Variants in PPFIA4 observed in about 807,000 individuals in gnomAD.
The protein encoded by PPFIA4 is PPFI scaffold protein A4.
PPFIA4 carries 98 observed loss-of-function variants against 145.7 expected under a neutral mutation model. The ratio of observed to expected loss-of-function variants is 0.67; its 90% CI spans 0.57 to 0.80. The LOEUF (loss-of-function observed/expected upper bound fraction) is 0.80, where lower values mean the gene tolerates loss of function less well. PPFIA4 is among the 30% of genes least tolerant of loss of function. The pLI is 0.00. For missense variants in PPFIA4, 1,457 were observed against 1,632.7 expected, an observed-to-expected ratio of 0.89 and a Z score of 1.85; for synonymous variants, 628 against 649.6, an observed-to-expected ratio of 0.97 and a Z score of 0.51.
chr1:203,075,654 C>A lies in PPFIA4; in HGVS notation c.3471C>A (p.Gly1157=), dbSNP rs371933531. The change falls in exon 29 of 30, where the codon GGC becomes GGA. Residue 1157 remains glycine, a synonymous_variant. Transcript: ENST00000295706. This position sits in a 1 kb window ranked among gnomAD's most constrained non-coding sequence, Gnocchi z 4.1. The part of the protein sequence containing the change: ...FRPREHHGRG[G]MLSASAETLP... ...CGCGGGAGCACCACGGTCGCGGCGG[C>A]ATGCTCAGCGCTTCCGCGGAGACCC... The A allele has an allele frequency of 1.4e-4, 216 of 1,508,520 alleles. No homozygotes were observed. The African/African-American group carries it at 2.8e-3, about 19-fold the overall frequency. 93.4% of individuals were successfully genotyped at this position (1,508,520 alleles called of 1,614,324 possible).
rs1662424014 is a variant in PPFIA4, at chr1:203,075,085, GAGCCAGGATTAGA to G, written c.3394-484_3394-472del. ...GGGTCACATAGCCAGTAAAATGGCAGAGCCAGGATTAGAAGCCAGGTGTCTGACTCCCGCCCGA... is the reference window on the plus strand; with the variant it reads ...GGGTCACATAGCCAGTAAAATGGCAGAGCCAGGTGTCTGACTCCCGCCCGA... On this transcript the variant is annotated intron_variant, in intron 28 of 29. Coordinates refer to ENST00000295706, the MANE Select transcript of PPFIA4 (RefSeq NM_001304331.2). This position sits in a 1 kb window ranked among gnomAD's most constrained non-coding sequence, Gnocchi z 4.1. Among the ~76,000 whole-genome samples, 1 of 152,160 alleles carries G rather than the reference GAGCCAGGATTAGA, an allele frequency of 6.6e-6. No homozygotes were observed. The highest frequency in any genetic ancestry group is 1.5e-5 in the Non-Finnish European group (1 of 68,012).
rs753572419 is a variant in PPFIA4, at chr1:203,039,165, G to A, written c.157G>A (p.Ala53Thr). Residue 53 changes from alanine (A) to threonine (T), a missense_variant, in exon 2 of 30, where the codon GCC becomes ACC. Physicochemically the swap from Ala to Thr is moderately conservative, Grantham distance 58. Around this residue, in one of 3 missense-constraint regions of PPFIA4, gnomAD observed 463 missense variants for 459.8 expected, o/e 1.01. Coordinates refer to ENST00000295706, the MANE Select transcript of PPFIA4 (RefSeq NM_001304331.2). Reference protein sequence around the residue: ...SLRESQETLAATQSRLQDAIH... With the variant: ...SLRESQETLATTQSRLQDAIH... ...TCGGGAGAGTCAGGAGACCTTGGCG[G>A]CCACACAGAGCCGGCTCCAGGATGC... The A allele has an allele frequency of 1.2e-5, 19 of 1,606,726 alleles. No individual in the cohort carries two copies. Among genetic ancestry groups the A allele is most frequent in the Middle Eastern group, 1.6e-4 (1 of 6,064 alleles).
In PPFIA4 at chr1:203,043,526, G is replaced by A. The variant is rs567674111; in HGVS notation, c.336+28G>A. On this transcript the variant is annotated intron_variant, in intron 3 of 29. Transcript: ENST00000295706. This position sits in a 1 kb window ranked among gnomAD's most constrained non-coding sequence, Gnocchi z 4.4. ...AAGTGGGGATGACCTTGTGTCGCGCGCGCGCACGTGTGTGTGTGTGTGTAT... is the reference window on the plus strand; with the variant it reads ...AAGTGGGGATGACCTTGTGTCGCGCACGCGCACGTGTGTGTGTGTGTGTAT... The A allele has an allele frequency of 3.4e-5, 54 of 1,569,556 alleles. No individual in the cohort carries two copies. In the Middle Eastern group the frequency reaches 5.0e-4, roughly 15 times the overall value.
rs1486720290 is a variant in PPFIA4 at position 203,078,386 on chromosome 1, C to G, written c.*1996C>G. On this transcript the variant is annotated 3_prime_UTR_variant, in exon 30 of 30. Coordinates refer to ENST00000295706, the MANE Select transcript of PPFIA4 (RefSeq NM_001304331.2). Reference sequence around the variant, plus strand: ...ACTCAGTCCCAGCCTCTCCCCTCTACAACTCCTGCCACTGTTGGCCATGTC... The same window carrying G: ...ACTCAGTCCCAGCCTCTCCCCTCTAGAACTCCTGCCACTGTTGGCCATGTC... 1 of 152,258 alleles carries G rather than the reference C, an allele frequency of 6.6e-6. No homozygotes were observed. Among genetic ancestry groups the G allele is most frequent in the Non-Finnish European group, 1.5e-5 (1 of 68,056 alleles). The allele number at this position is 152,258 out of a possible 1,614,324, so 9.4% of individuals were successfully genotyped here. A position where few individuals can be genotyped will look rare whatever the true frequency, so the allele number is the denominator to read the frequency against.
In PPFIA4 at chr1:203,048,468, T is replaced by C; in HGVS notation, c.1225-115T>C. 1 of 1,493,686 alleles carries C rather than the reference T, an allele frequency of 6.7e-7. No individual in the cohort carries two copies. The highest frequency in any genetic ancestry group is 9.1e-7 in the Non-Finnish European group (1 of 1,100,734). The allele number at this position is 1,493,686 out of a possible 1,614,324, so 92.5% of individuals were successfully genotyped here. A position where few individuals can be genotyped will look rare whatever the true frequency, so the allele number is the denominator to read the frequency against. On this transcript the variant is annotated intron_variant, in intron 10 of 29. Transcript: ENST00000295706. This position sits in a 1 kb window ranked among gnomAD's most constrained non-coding sequence, Gnocchi z 5.8. ...GTGAAGGGGGAGGTGGTCAGGAGAC[T>C]GGAGAGAGTGGCTCCCAGAGGATGA...
At chr1:203,041,936 C>T (rs1002069738) in intron 2 of PPFIA4, among the ~76,000 whole-genome samples, 1 of 152,162 alleles carries the variant, frequency 6.6e-6, no homozygotes, top group Non-Finnish European at 1.5e-5. Flanking sequence ...TGGCCATGGC[C>T]CTGACAGAAA....
chr1:203,072,921 T>G (rs1662272605), intron 28 of PPFIA4, among the ~76,000 whole-genome samples: 1 of 124,198 alleles, frequency 8.1e-6, no homozygotes, highest in African/African-American at 3.1e-5. Flanking sequence ...GTCCCAACTC[T>G]GATAGATCTG....
At chr1:203,049,964 A>C (rs961985663) in intron 13 of PPFIA4, among the ~76,000 whole-genome samples, 197 bp downstream of exon 13, 1 of 152,210 alleles carries the variant, frequency 6.6e-6, no homozygotes, top group Non-Finnish European at 1.5e-5. Flanking sequence ...CTGTCCTCCG[A>C]GGGCTGCTGA....
chr1:203,048,388 C>A lies in PPFIA4; in HGVS notation c.1224+78C>A. Reference sequence around the variant, plus strand: ...CCCAGGGCGGTCTGTGGAAGGGGCACGGAGGAAGGGCCTGGCCAGGGACAC... The same window carrying A: ...CCCAGGGCGGTCTGTGGAAGGGGCAAGGAGGAAGGGCCTGGCCAGGGACAC... On this transcript the variant is annotated intron_variant, in intron 10 of 29. Coordinates refer to ENST00000295706, the MANE Select transcript of PPFIA4 (RefSeq NM_001304331.2). This position sits in a 1 kb window ranked among gnomAD's most constrained non-coding sequence, Gnocchi z 5.8. 3.3e-6 allele frequency: 5 copies of A among 1,532,340 alleles called. No individual in the cohort carries two copies. The highest frequency in any genetic ancestry group is 4.4e-6 in the Non-Finnish European group (5 of 1,124,054). 94.9% of individuals were successfully genotyped at this position (1,532,340 alleles called of 1,614,324 possible). A position where few individuals can be genotyped will look rare whatever the true frequency, so the allele number is the denominator to read the frequency against.
chr1:203,059,089 C>A, intron 19 of PPFIA4, 89 bp from the exon 20 acceptor site: 1 of 1,041,580 alleles, frequency 9.6e-7, no homozygotes, highest in Non-Finnish European at 1.5e-6. Context: ...TGCCAAGGAG[C>A]CTCCTGCTGC....
chr1:203,028,731 G>C (rs746473791), intron 1 of PPFIA4, among the ~76,000 whole-genome samples: 4 of 151,960 alleles, frequency 2.6e-5, no homozygotes, highest in Non-Finnish European at 5.9e-5. Context: ...AGGACTGAGG[G>C]AGTGAAAGCT....
chr1:203,049,825 A>G, intron 13 of PPFIA4, 58 bp downstream of exon 13: 1 of 1,378,918 alleles, frequency 7.3e-7, no homozygotes, highest in South Asian at 1.6e-5. Context: ...ACCGTGAGGA[A>G]GGAGACTTCC....
intron 20 of PPFIA4, 144 bp from the exon 21 acceptor site, chr1:203,059,626 G>A (rs1661221171): frequency 2.9e-6 from 2 of 699,262 alleles, no homozygotes; most frequent in Non-Finnish European, 5.2e-6. Context: ...TTCAGAGGAA[G>A]AAGGAAGAGC....
Position 203,055,971 on chromosome 1 carries a change from T to A in PPFIA4, c.2071-149T>A. On this transcript the variant is annotated intron_variant, in intron 16 of 29. Transcript: ENST00000295706. The surrounding 1 kb of genome is among the most constrained non-coding windows in gnomAD (Gnocchi z 4.8). ...CTGGCTTGTTTTTCTAGGCCAGCTTTTTTTTTTTTTTCTGGCGTGATATTC... is the reference window on the plus strand; with the variant it reads ...CTGGCTTGTTTTTCTAGGCCAGCTTATTTTTTTTTTTCTGGCGTGATATTC... 3.3e-6 allele frequency: 2 copies of A among 608,052 alleles called. No individual in the cohort carries two copies. The highest frequency in any genetic ancestry group is 5.1e-6 in the Non-Finnish European group (2 of 391,542). The allele number at this position is 608,052 out of a possible 1,614,324, so 37.7% of individuals were successfully genotyped here. A position where few individuals can be genotyped will look rare whatever the true frequency, so the allele number is the denominator to read the frequency against.
In PPFIA4 at chr1:203,038,961, A is replaced by C; in HGVS notation, c.-48A>C. On this transcript the variant is annotated 5_prime_UTR_variant, in exon 2 of 30. The change abolishes the stop of an existing upstream ORF in the 5' untranslated region. Transcript: ENST00000295706. The stretch of plus-strand genomic sequence containing the variant: ...TTCCCCTGGAGGTGCCAACCCTGTG[A>C]GTCCCTCCCTGTCCCCTGACGCTGA... The C allele has an allele frequency of 9.4e-7, 1 of 1,064,434 alleles. No homozygotes were observed. The highest frequency in any genetic ancestry group is 1.4e-6 in the Non-Finnish European group (1 of 730,834). The allele number at this position is 1,064,434 out of a possible 1,614,324, so 65.9% of individuals were successfully genotyped here. A position where few individuals can be genotyped will look rare whatever the true frequency, so the allele number is the denominator to read the frequency against.
chr1:203,063,391 C>T (rs758723072), intron 24 of PPFIA4: 13 of 165,994 alleles, frequency 7.8e-5, no homozygotes, highest in Non-Finnish European at 1.5e-4. Context: ...CAGCCTTGTC[C>T]CGGAGTGAGA....
At position 203,045,495 on chromosome 1, in the gene PPFIA4, C is replaced by T. The variant is rs777964119; in HGVS notation, c.794C>T (p.Thr265Met). ...TVTELEEDLG[T>M]ARRDLIKSEE... ...ACTGAACTCGAGGAGGACCTGGGCACGGCCCGCCGGGACCTCATCAAGTCG... is the reference window on the plus strand; with the variant it reads ...ACTGAACTCGAGGAGGACCTGGGCATGGCCCGCCGGGACCTCATCAAGTCG... The change falls in exon 7 of 30, where the codon ACG (threonine) becomes ATG (methionine). Residue 265 changes from threonine to methionine, a missense_variant. By Grantham distance (81) the Thr-to-Met change is moderately conservative. Coordinates refer to ENST00000295706, the MANE Select transcript of PPFIA4 (RefSeq NM_001304331.2). 2.4e-5 allele frequency: 39 copies of T among 1,607,242 alleles called. No homozygotes were observed. The highest frequency in any genetic ancestry group is 6.7e-5 in the African/African-American group (5 of 74,834).
chr1:203,032,353 A>G (rs1658900038), intron 1 of PPFIA4, among the ~76,000 whole-genome samples: 1 of 151,604 alleles, frequency 6.6e-6, no homozygotes, highest in Non-Finnish European at 1.5e-5. Flanking sequence ...TGTGATGTCT[A>G]TAATTTTGGG....
chr1:203,054,095 GGGTCATCA>G (rs1436151538), intron 15 of PPFIA4, 134 bp downstream of exon 15: 55 of 1,025,648 alleles, frequency 5.4e-5, no homozygotes, highest in Admixed American at 4.8e-4. Flanking sequence ...GACCCTCTGT[GGGTCATCA>G]GGCCCGCTGC....
Sources: gnomAD v4.1 joint callset for allele counts (sites outside exome capture counted in the v4.1 genomes callset) on GRCh38, gnomAD v4.1.1 for gene constraint, gnomAD v4.1.1 regional missense constraint, Gnocchi (gnomAD v3.1) non-coding constraint, MANE v1.5 for transcripts, NCBI Gene and HGNC (gene_info 2026-07-23, HGNC 2026-07-21) for gene names.